The following COP1 variants were observed in gnomAD, a reference collection of about 807,000 sequenced individuals.
The protein encoded by COP1 is COP1 E3 ubiquitin ligase, also known as E3 ubiquitin-protein ligase COP1.
A neutral mutation model predicts 101.3 loss-of-function variants in COP1; 24 were observed. The observed-to-expected ratio is 0.24, with a 90% CI of 0.17 to 0.33. COP1 has a LOEUF of 0.33. Ranked by LOEUF, COP1 falls within the 10% of genes least tolerant of loss-of-function variation. The pLI is 1.00. For missense variants in COP1, 663 were observed against 906.2 expected (o/e 0.73, Z 3.45); for synonymous variants, 347 against 341.9 (o/e 1.01, Z -0.17).
At chr1:176,205,477 A>C (rs1048754932) in intron 1 of COP1, among the ~76,000 whole-genome samples, 2 of 152,210 alleles carry the variant, frequency 1.3e-5, no homozygotes, top group African/African-American at 2.4e-5. Flanking sequence ...ACCAACTCAG[A>C]CCATCTTCAA....
chr1:176,123,281 G>A (rs1440996896), intron 8 of COP1, among the ~76,000 whole-genome samples: 4 of 152,026 alleles, frequency 2.6e-5, no homozygotes, highest in Non-Finnish European at 4.4e-5. Context: ...AAATATGATG[G>A]GACTTCGGTA....
chr1:176,153,400 G>A (rs867587295), intron 5 of COP1, among the ~76,000 whole-genome samples: 4 of 152,164 alleles, frequency 2.6e-5, no homozygotes, highest in African/African-American at 9.7e-5. Context: ...TCTTTGTACT[G>A]ACAGAAATGA....
At chr1:176,101,013 G>A (rs1489734298) in intron 9 of COP1, among the ~76,000 whole-genome samples, 1 of 152,162 alleles carries the variant, frequency 6.6e-6, no homozygotes. Context: ...TTCTTACTAA[G>A]CCAAGCTTCC....
intron 1 of COP1, among the ~76,000 whole-genome samples, chr1:176,195,496 A>G (rs1012342281): frequency 3.3e-5 from 5 of 152,220 alleles, no homozygotes; most frequent in Non-Finnish European, 7.3e-5. Context: ...ATAGAACCTC[A>G]GCCTACACAT....
chr1:176,172,061 T>A (rs611883), intron 3 of COP1, among the ~76,000 whole-genome samples: 114,266 of 152,118 alleles, frequency 0.75, 44,871 homozygotes, highest in East Asian at 0.92. Flanking sequence ...TATTTAATTA[T>A]TTTTGAGACA....
intron 18 of COP1, among the ~76,000 whole-genome samples, chr1:175,949,625 T>C (rs1461807933): frequency 6.6e-6 from 1 of 152,184 alleles, no homozygotes; most frequent in Non-Finnish European, 1.5e-5. Context: ...CTAGTTGCCA[T>C]TCAAGGAGGG....
chr1:175,990,907 T>A (rs997011222), intron 15 of COP1, among the ~76,000 whole-genome samples: 3 of 109,496 alleles, frequency 2.7e-5, no homozygotes, highest in Non-Finnish European at 6.6e-5. Context: ...TGGATTCTAA[T>A]TTTTTTTTTT....
At chr1:176,069,222 T>C (rs747130859) in intron 11 of COP1, among the ~76,000 whole-genome samples, 1 of 151,994 alleles carries the variant, frequency 6.6e-6, no homozygotes, top group African/African-American at 2.4e-5. Context: ...AGAAATTATA[T>C]GTAATACAGT....
chr1:176,097,112 G>C (rs1682534172), intron 9 of COP1, among the ~76,000 whole-genome samples: 1 of 152,128 alleles, frequency 6.6e-6, no homozygotes, highest in Non-Finnish European at 1.5e-5. Context: ...TCAGGTAATA[G>C]GGGATTTAAA....
At chr1:176,126,318 A>C (rs1687981481) in intron 8 of COP1, among the ~76,000 whole-genome samples, 1 of 152,094 alleles carries the variant, frequency 6.6e-6, no homozygotes. Flanking sequence ...GAAAGGTTTC[A>C]CTTTTTCACC....
intron 8 of COP1, among the ~76,000 whole-genome samples, chr1:176,127,141 A>G (rs1156406332): frequency 6.6e-6 from 1 of 152,144 alleles, no homozygotes; most frequent in Non-Finnish European, 1.5e-5. Flanking sequence ...AAATATTTTG[A>G]TCCTTGCATA....
intron 14 of COP1, among the ~76,000 whole-genome samples, chr1:176,036,068 C>T (rs1010017749): frequency 6.6e-6 from 1 of 151,636 alleles, no homozygotes; most frequent in African/African-American, 2.4e-5. Flanking sequence ...AATGGAAAAG[C>T]AAATATACTA....
intron 7 of COP1, among the ~76,000 whole-genome samples, chr1:176,136,240 T>C (rs541921004): frequency 2.6e-5 from 4 of 152,236 alleles, no homozygotes; most frequent in Admixed American, 2.6e-4. Context: ...CTGAGCGATT[T>C]TTTTTGTCAG....
rs57110017 is a variant in COP1, at chr1:175,998,063, T to TAAAAAAAAA, written c.1730-8593_1730-8585dup. On this transcript the variant is annotated intron_variant, in intron 15 of 19. Transcript: ENST00000367669. ...TGTACCCTAAAACTTAGAGTATAAT[T>TAAAAAAAAA]AAAAAAAAAAAAAAAAAAAAAAAAA... Among the ~76,000 whole-genome samples, 153 of 66,808 alleles carry TAAAAAAAAA rather than the reference T, an allele frequency of 2.3e-3. 1 individual carries two copies. The highest frequency in any genetic ancestry group is 9.1e-3 in the African/African-American group (115 of 12,698). 43.8% of individuals were successfully genotyped at this position (66,808 alleles called of 152,430 possible).
At chr1:175,961,849 A>G (rs1438021161) in intron 18 of COP1, among the ~76,000 whole-genome samples, 1 of 152,122 alleles carries the variant, frequency 6.6e-6, no homozygotes, top group Admixed American at 6.6e-5. Flanking sequence ...TTGAAATTTC[A>G]CAGGAGAAAA....
chr1:176,201,979 G>C (rs934002455), intron 1 of COP1, among the ~76,000 whole-genome samples: 2 of 151,886 alleles, frequency 1.3e-5, no homozygotes, highest in African/African-American at 4.8e-5. Context: ...ATTATATTTA[G>C]TCCTATATTT....
intron 15 of COP1, among the ~76,000 whole-genome samples, chr1:176,012,922 C>A (rs1315800372): frequency 1.3e-5 from 2 of 152,160 alleles, no homozygotes; most frequent in Non-Finnish European, 2.9e-5. Context: ...CATCCTTGAG[C>A]AACACGTGAT....
chr1:176,099,638 GC>G (rs1683038506), intron 9 of COP1, among the ~76,000 whole-genome samples: 1 of 151,724 alleles, frequency 6.6e-6, no homozygotes. Context: ...ATTTTCTTTT[GC>G]AACTGGATGC....
chr1:176,064,478 A>C (rs1481441987), intron 11 of COP1, among the ~76,000 whole-genome samples: 1 of 152,190 alleles, frequency 6.6e-6, no homozygotes, highest in Non-Finnish European at 1.5e-5. Context: ...CCTTCATATG[A>C]ATACACTGAA....
Sources: allele counts gnomAD v4.1 joint callset (sites outside exome capture counted in the v4.1 genomes callset), GRCh38; gene constraint gnomAD v4.1.1; transcripts MANE v1.5; gene names NCBI Gene and HGNC (gene_info 2026-07-23, HGNC 2026-07-21).